DDX27: variants seen among roughly 807,000 people sequenced by gnomAD.
The protein encoded by DDX27 is probable ATP-dependent RNA helicase DDX27.
DDX27 carries 42 observed loss-of-function variants against 99.3 expected under a neutral mutation model. The observed-to-expected ratio is 0.42, with a 90% confidence interval of 0.33 to 0.55. DDX27 has a LOEUF of 0.55. DDX27 is among the 20% of genes least tolerant of loss of function. The pLI, the probability that DDX27 is intolerant of heterozygous loss-of-function variation, is 0.07. For synonymous variants in DDX27, 329 were observed against 353.8 expected (o/e 0.93, Z 0.79); for missense variants, 798 against 976.8 (o/e 0.82, Z 2.44).
chr20:49,230,663 T>C (rs1195246717), intron 9 of DDX27, among the ~76,000 whole-genome samples: 1 of 152,200 alleles, frequency 6.6e-6, no homozygotes, highest in Non-Finnish European at 1.5e-5. Flanking sequence ...GATAAGGACA[T>C]ACGCACACCA....
At chr20:49,234,876 G>C in intron 11 of DDX27, 59 bp from the exon 12 acceptor site, 4 of 1,531,068 alleles carry the variant, frequency 2.6e-6, no homozygotes, top group Non-Finnish European at 3.5e-6. Context: ...ATGAGGAGGG[G>C]GTACATGTTG....
At chr20:49,225,309 G>A in intron 6 of DDX27, 110 bp downstream of exon 6, 1 of 933,324 alleles carries the variant, frequency 1.1e-6, no homozygotes, top group Non-Finnish European at 1.7e-6. Context: ...CAACCTCCCA[G>A]AGTGCTGGGA....
chr20:49,220,059 C>T (rs1979585766), intron 1 of DDX27, among the ~76,000 whole-genome samples: 1 of 152,120 alleles, frequency 6.6e-6, no homozygotes, highest in Non-Finnish European at 1.5e-5. Flanking sequence ...TATTGGTGTT[C>T]TGAAAAGGAT....
Position 49,236,530 on chromosome 20 carries a change from G to A in DDX27, c.1687+20G>A. The A allele has an allele frequency of 1.3e-6, 2 of 1,559,140 alleles. No individual in the cohort carries two copies. Among genetic ancestry groups the A allele is most frequent in the Non-Finnish European group, 1.7e-6 (2 of 1,151,680 alleles). ...CCCAAGGTGAGCAGGCACCCCTGTG[G>A]CAGTGCAGAATGGCTCGGTGGGCGG... On this transcript the variant is annotated intron_variant, in intron 14 of 20. Transcript: ENST00000618172. This position sits in a 1 kb window ranked among gnomAD's most constrained non-coding sequence, Gnocchi z 4.1.
In DDX27 at chr20:49,220,751, G is replaced by C. The variant is rs914138405; in HGVS notation, c.94-701G>C. 2.0e-4 allele frequency among the ~76,000 whole-genome samples: 31 copies of C among 151,912 alleles called. 1 individual carries two copies. The highest frequency in any genetic ancestry group is 1.6e-4 in the Non-Finnish European group (11 of 68,014). The stretch of plus-strand genomic sequence containing the variant: ...AGTGCCCGGTCACACCCATGATGCG[G>C]GGTGTGTTTGTCACACCCATGATGC... On this transcript the variant is annotated intron_variant, in intron 1 of 20. Coordinates refer to ENST00000618172, the MANE Select transcript of DDX27 (RefSeq NM_017895.8).
intron 2 of DDX27, among the ~76,000 whole-genome samples, chr20:49,222,521 T>A (rs185927724): frequency 0.011 from 1,620 of 149,480 alleles, 25 homozygotes; most frequent in African/African-American, 0.035. Flanking sequence ...ATTAAAAAAA[T>A]TTTTTTTTTT....
intron 18 of DDX27, 134 bp downstream of exon 18, chr20:49,242,340 C>T: frequency 5.0e-6 from 7 of 1,413,912 alleles, no homozygotes; most frequent in East Asian, 2.5e-5. Flanking sequence ...CCAATGTGTA[C>T]AGCTATCCCT....
chr20:49,234,963 T>A lies in DDX27; in HGVS notation c.1302T>A (p.His434Gln). Residue 434 changes from histidine (H) to glutamine (Q), a missense_variant, in exon 12 of 21, where the codon CAT (histidine) becomes CAA (glutamine). His to Gln is a conservative substitution (Grantham distance 24). Coordinates refer to ENST00000618172, the MANE Select transcript of DDX27 (RefSeq NM_017895.8). ...AALLTRTFTDHVMLFTQTKKQ... is the reference protein window; with the variant it reads ...AALLTRTFTDQVMLFTQTKKQ... ...TGTTGACGAGGACCTTCACTGACCA[T>A]GTGATGCTGTTCACGCAAACCAAGA... 1 of 1,611,884 alleles carries A rather than the reference T, an allele frequency of 6.2e-7. No individual in the cohort carries two copies. Among genetic ancestry groups the A allele is most frequent in the East Asian group, 2.2e-5 (1 of 44,772 alleles).
chr20:49,235,233 A>G, intron 12 of DDX27, 145 bp downstream of exon 12: 1 of 865,640 alleles, frequency 1.2e-6, no homozygotes, highest in Non-Finnish European at 1.7e-6. Flanking sequence ...TAACCTAACC[A>G]CTGTGAGGTC....
chr20:49,240,967 A>T (rs755081384), intron 16 of DDX27, among the ~76,000 whole-genome samples: 16 of 152,234 alleles, frequency 1.1e-4, no homozygotes, highest in Middle Eastern at 6.8e-3. Flanking sequence ...GTGAGCTAAG[A>T]TTCTGCCACT....
At chr20:49,225,084 C>T (rs757954131) in intron 5 of DDX27, 29 bp from the exon 6 acceptor site, 5 of 1,610,912 alleles carry the variant, frequency 3.1e-6, no homozygotes, top group Middle Eastern at 1.7e-4. Flanking sequence ...TTGTTGAATT[C>T]TCTTCTCTCT....
rs770887425 is a variant in DDX27 at position 49,239,255 on chromosome 20, T to C, written c.1814T>C (p.Leu605Pro). The change falls in exon 16 of 21, where the codon CTC becomes CCC. Residue 605 changes from leucine (L) to proline (P), a missense_variant. This residue lies in a region of DDX27 where 553 missense variants were observed against 727.9 expected (regional missense o/e 0.76). Coordinates refer to ENST00000618172, the MANE Select transcript of DDX27 (RefSeq NM_017895.8). ...SEAQINTAKR[L>P]LEKGKEAVVQ... ...CTACAGATCAATACAGCAAAGCGGC[T>C]CCTGGAGAAGGGGAAGGAGGCAGTG... 16 of 1,614,024 alleles carry C rather than the reference T, an allele frequency of 9.9e-6. No individual in the cohort carries two copies. The highest frequency in any genetic ancestry group is 1.4e-5 in the Non-Finnish European group (16 of 1,179,994).
chr20:49,221,658 T>G, intron 2 of DDX27, 60 bp downstream of exon 2: 1 of 1,489,668 alleles, frequency 6.7e-7, no homozygotes, highest in Non-Finnish European at 9.0e-7. Context: ...GACTGTGAGT[T>G]TCAGGGCCTA....
At position 49,239,233 on chromosome 20, in the gene DDX27, C is replaced by T. The variant is rs949780443; in HGVS notation, c.1795-3C>T. 1.2e-6 allele frequency: 2 copies of T among 1,613,606 alleles called. No individual in the cohort carries two copies. Among genetic ancestry groups the T allele is most frequent in the African/African-American group, 2.7e-5 (2 of 74,876 alleles). On this transcript the variant is annotated splice_polypyrimidine_tract_variant and splice_region_variant and intron_variant, in intron 15 of 20. Coordinates refer to ENST00000618172, the MANE Select transcript of DDX27 (RefSeq NM_017895.8). ...GGCAGGCATCCTTTTGTTATCTCTA[C>T]AGATCAATACAGCAAAGCGGCTCCT...
chr20:49,220,410 T>A (rs760591411), intron 1 of DDX27, among the ~76,000 whole-genome samples: 64 of 152,210 alleles, frequency 4.2e-4, no homozygotes, highest in Non-Finnish European at 7.8e-4. Context: ...TACTTCATCT[T>A]CATCTCTTTA....
chr20:49,221,674 G>T, intron 2 of DDX27, 76 bp downstream of exon 2: 2 of 1,308,842 alleles, frequency 1.5e-6, no homozygotes, highest in South Asian at 1.6e-5. Context: ...GCCTAGCCCT[G>T]ACCTGACTGA....
At chr20:49,221,745 CAAAAG>C in intron 2 of DDX27, 147 bp downstream of exon 2, 1 of 573,360 alleles carries the variant, frequency 1.7e-6, no homozygotes, top group Non-Finnish European at 2.7e-6. Context: ...TAAAAAAAAA[CAAAAG>C]AAAATATCTG....
intron 1 of DDX27, among the ~76,000 whole-genome samples, chr20:49,220,990 C>T (rs1164759004): frequency 6.6e-6 from 1 of 152,130 alleles, no homozygotes; most frequent in Admixed American, 6.6e-5. Flanking sequence ...AAGACAGAGT[C>T]TTGCTCGGTC....
chr20:49,225,453 C>CTTT lies in DDX27; in HGVS notation c.600+272_600+274dup, dbSNP rs772387461. Among the ~76,000 whole-genome samples, 159 of 107,274 alleles carry CTTT rather than the reference C, an allele frequency of 1.5e-3. 4 individuals carry two copies. Among genetic ancestry groups the CTTT allele is most frequent in the Non-Finnish European group, 1.9e-3 (105 of 56,712 alleles). The allele number at this position is 107,274 out of a possible 152,430, so 70.4% of individuals were successfully genotyped here. On this transcript the variant is annotated intron_variant, in intron 6 of 20. Coordinates refer to ENST00000618172, the MANE Select transcript of DDX27 (RefSeq NM_017895.8). Reference sequence around the variant, plus strand: ...GTCCATACAGTTGCCAGAGAACTCCCTTTTTTTTTTTTTTTTTTTTGAGAC... The same window carrying CTTT: ...GTCCATACAGTTGCCAGAGAACTCCCTTTTTTTTTTTTTTTTTTTTTTTGAGAC...
Sources: gnomAD v4.1 joint callset for allele counts (sites outside exome capture counted in the v4.1 genomes callset) on GRCh38, gnomAD v4.1.1 for gene constraint, gnomAD v4.1.1 regional missense constraint, Gnocchi (gnomAD v3.1) non-coding constraint, MANE v1.5 for transcripts, NCBI Gene and HGNC (gene_info 2026-07-23, HGNC 2026-07-21) for gene names.